The following RFX3 variants were observed in gnomAD, a reference collection of about 807,000 sequenced individuals.
RFX3 encodes regulatory factor X3.
RFX3 carries 14 observed loss-of-function variants against 98.6 expected under a neutral mutation model. The observed-to-expected ratio is 0.14, with a 90% CI of 0.09 to 0.22. The LOEUF (loss-of-function observed/expected upper bound fraction) is 0.22. Among genes scored for constraint, RFX3 ranks in the 10% least tolerant of loss-of-function variants. RFX3 has a pLI of 1.00. For synonymous variants in RFX3, 383 were observed against 328.4 expected (o/e 1.17, Z -1.80); for missense variants, 639 against 926.9 (o/e 0.69, Z 4.03).
chr9:3,425,187 T>C (rs1587630522), intron 1 of RFX3, among the ~76,000 whole-genome samples: 1 of 152,200 alleles, frequency 6.6e-6, no homozygotes, highest in African/African-American at 2.4e-5. Flanking sequence ...GAGTGAGCCA[T>C]GATCACACAC....
intron 2 of RFX3, among the ~76,000 whole-genome samples, chr9:3,390,654 T>G (rs988990438): frequency 6.6e-6 from 1 of 152,174 alleles, no homozygotes; most frequent in Non-Finnish European, 1.5e-5. Flanking sequence ...GGTCTCGTGA[T>G]AGTCAGTAAT....
At chr9:3,398,914 T>TA (rs71324247) in intron 1 of RFX3, among the ~76,000 whole-genome samples, 6,700 of 67,632 alleles carry the variant, frequency 0.099, 349 homozygotes, top group Non-Finnish European at 0.15. Flanking sequence ...TAGAGTATAA[T>TA]AAAAAAAAAA....
At chr9:3,447,304 G>T (rs1461519089) in intron 1 of RFX3, among the ~76,000 whole-genome samples, 2 of 151,934 alleles carry the variant, frequency 1.3e-5, no homozygotes, top group East Asian at 3.8e-4. Flanking sequence ...GACAAAAGAA[G>T]CAATTTTAAA....
At chr9:3,517,185 T>C (rs1386848793) in intron 1 of RFX3, among the ~76,000 whole-genome samples, 1 of 152,190 alleles carries the variant, frequency 6.6e-6, no homozygotes, top group East Asian at 1.9e-4. Context: ...AATCATAGAT[T>C]GGAAAGGGCT....
intron 4 of RFX3, among the ~76,000 whole-genome samples, chr9:3,309,269 G>C (rs1473781552): frequency 6.6e-6 from 1 of 152,068 alleles, no homozygotes; most frequent in Non-Finnish European, 1.5e-5. Flanking sequence ...ACACCAGGGA[G>C]AAAAAACACA....
At chr9:3,430,640 C>T (rs1490606779) in intron 1 of RFX3, among the ~76,000 whole-genome samples, 1 of 152,096 alleles carries the variant, frequency 6.6e-6, no homozygotes, top group Non-Finnish European at 1.5e-5. Flanking sequence ...AAATCTGATT[C>T]ATTCTTTTGA....
rs111492064 is a variant in RFX3, at chr9:3,429,988, G to A, written c.-8-34392C>T. Among the ~76,000 whole-genome samples, 958 of 152,202 alleles carry A rather than the reference G, an allele frequency of 6.3e-3. 16 individuals are homozygous for A. The highest frequency in any genetic ancestry group is 8.0e-3 in the Admixed American group (123 of 15,286). ...AAAGTCTCAAACCTTAGTTGACTTA[G>A]GTTACCAGGTTCACTGAGGTTCCCA... On this transcript the variant is annotated intron_variant, in intron 1 of 16. Coordinates refer to ENST00000617270, the MANE Select transcript of RFX3 (RefSeq NM_001282116.2).
chr9:3,481,486 TAA>T (rs904463244), intron 1 of RFX3, among the ~76,000 whole-genome samples: 46 of 149,094 alleles, frequency 3.1e-4, no homozygotes, highest in African/African-American at 1.1e-3. Flanking sequence ...GTACATTTTT[TAA>T]AAAAAAAAAT....
intron 5 of RFX3, among the ~76,000 whole-genome samples, chr9:3,296,743 G>C (rs574876189): frequency 7.2e-5 from 11 of 152,154 alleles, no homozygotes; most frequent in African/African-American, 2.6e-4. Flanking sequence ...AAGTCAAGTG[G>C]AGGTAAAAGC....
intron 4 of RFX3, among the ~76,000 whole-genome samples, chr9:3,308,137 C>T (rs369794369): frequency 6.6e-6 from 1 of 152,026 alleles, no homozygotes; most frequent in Non-Finnish European, 1.5e-5. Context: ...TAAATGATCA[C>T]CCTGGGACTG....
At chr9:3,246,276 A>T (rs1385616225) in intron 15 of RFX3, among the ~76,000 whole-genome samples, 2 of 150,922 alleles carry the variant, frequency 1.3e-5, no homozygotes, top group African/African-American at 4.9e-5. Flanking sequence ...ATTCATTTAG[A>T]TCGTTTACAT....
intron 1 of RFX3, among the ~76,000 whole-genome samples, chr9:3,449,380 T>C (rs1846355895): frequency 6.6e-6 from 1 of 152,258 alleles, no homozygotes. Flanking sequence ...AGTTTTTCTA[T>C]GCACTAGTCA....
intron 1 of RFX3, among the ~76,000 whole-genome samples, chr9:3,424,856 T>C (rs1843853285): frequency 6.6e-6 from 1 of 152,156 alleles, no homozygotes; most frequent in South Asian, 2.1e-4. Flanking sequence ...AAAAGAATAA[T>C]ACTAGTCTCA....
rs373441467 is a variant in RFX3 at position 3,225,774 on chromosome 9, G to T, written c.2012-494C>A. 6.7e-4 allele frequency among the ~76,000 whole-genome samples: 102 copies of T among 152,230 alleles called. 1 individual carries two copies. In the East Asian group the frequency reaches 0.011, roughly 16 times the overall value. On this transcript the variant is annotated intron_variant, in intron 16 of 16. Transcript: ENST00000617270. Reference sequence around the variant, plus strand: ...TTGATTCTTAACATTATTATTCCATGTATAAACAGAGGCTGCTGTAAGACT... The same window carrying T: ...TTGATTCTTAACATTATTATTCCATTTATAAACAGAGGCTGCTGTAAGACT...
chr9:3,261,490 T>C (rs202046979), intron 13 of RFX3, among the ~76,000 whole-genome samples: 3 of 152,178 alleles, frequency 2.0e-5, no homozygotes, highest in Non-Finnish European at 4.4e-5. Context: ...TTTCTTTTTA[T>C]TGCCCAATAA....
intron 2 of RFX3, among the ~76,000 whole-genome samples, chr9:3,368,052 A>ATAGGAATTAATCC (rs1837408667): frequency 6.6e-6 from 1 of 152,240 alleles, no homozygotes; most frequent in African/African-American, 2.4e-5. Flanking sequence ...TTTTGGTAAA[A>ATAGGAATTAATCC]TAGGAATTAA....
At chr9:3,366,668 C>G (rs546197692) in intron 2 of RFX3, among the ~76,000 whole-genome samples, 1 of 132,958 alleles carries the variant, frequency 7.5e-6, no homozygotes, top group African/African-American at 2.9e-5. Flanking sequence ...TTTTCTTTCT[C>G]TTTCTCTTTC....
chr9:3,400,504 T>C (rs754747378), intron 1 of RFX3, among the ~76,000 whole-genome samples: 10 of 152,186 alleles, frequency 6.6e-5, no homozygotes, highest in Non-Finnish European at 1.3e-4. Flanking sequence ...TTACTGCTCA[T>C]AGGTCTGATC....
At chr9:3,274,805 C>A (rs1394829561) in intron 9 of RFX3, among the ~76,000 whole-genome samples, 1 of 151,990 alleles carries the variant, frequency 6.6e-6, no homozygotes, top group Non-Finnish European at 1.5e-5. Context: ...AAGGCAACCA[C>A]TGTTAACATT....
Sources: allele counts gnomAD v4.1 joint callset (sites outside exome capture counted in the v4.1 genomes callset), GRCh38; gene constraint gnomAD v4.1.1; transcripts MANE v1.5; gene names NCBI Gene and HGNC (gene_info 2026-07-23, HGNC 2026-07-21).